The following RUNX2 variants were observed in gnomAD, a reference collection of about 807,000 sequenced individuals.
RUNX2 encodes runt-related transcription factor 2.
RUNX2 carries 10 observed loss-of-function variants against 51.7 expected under a neutral mutation model. The observed-to-expected ratio is 0.19, with a 90% confidence interval of 0.12 to 0.33. The LOEUF (loss-of-function observed/expected upper bound fraction) is 0.33, where lower values mean the gene tolerates loss of function less well. RUNX2 is among the 10% of genes least tolerant of loss of function. The pLI, the probability that RUNX2 is intolerant of heterozygous loss-of-function variation, is 1.00. For missense variants in RUNX2, 562 were observed against 691.3 expected (o/e 0.81, Z 2.10); for synonymous variants, 276 against 273.6 (o/e 1.01, Z -0.09).
At chr6:45,448,327 C>A (rs1311113534) in intron 5 of RUNX2, among the ~76,000 whole-genome samples, 1 of 152,190 alleles carries the variant, frequency 6.6e-6, no homozygotes, top group African/African-American at 2.4e-5. Flanking sequence ...CCCTGAGCAA[C>A]CGGAGCAGGA....
intron 1 of RUNX2, 21 bp from the exon 2 acceptor site, chr6:45,328,639 TG>T: frequency 6.2e-7 from 1 of 1,610,346 alleles, no homozygotes; most frequent in Non-Finnish European, 8.5e-7. Context: ...AAACAAGGTT[TG>T]GGTATGGTTT....
chr6:45,535,251 T>TAA (rs34539824), intron 7 of RUNX2, among the ~76,000 whole-genome samples: 2 of 150,600 alleles, frequency 1.3e-5, no homozygotes, highest in Non-Finnish European at 3.0e-5. Context: ...AAAGTTAAAT[T>TAA]AAAAAAAAAG....
At chr6:45,421,091 T>G (rs1409278571) in intron 2 of RUNX2, 1 of 152,208 alleles carries the variant, frequency 6.6e-6, no homozygotes, top group Non-Finnish European at 1.5e-5. Flanking sequence ...TTGAATTTTT[T>G]AGTTCGTATT....
intron 4 of RUNX2, among the ~76,000 whole-genome samples, chr6:45,436,791 A>G (rs2819854): frequency 0.49 from 74,550 of 152,038 alleles, 18,610 homozygotes; most frequent in South Asian, 0.62. Flanking sequence ...TTGCATTGGT[A>G]CATATTGTCA....
intron 5 of RUNX2, among the ~76,000 whole-genome samples, chr6:45,485,808 C>T (rs939072691): frequency 6.6e-6 from 1 of 150,698 alleles, no homozygotes; most frequent in African/African-American, 2.4e-5. Context: ...TTCTTCTCTG[C>T]TTATCAAAAT....
intron 2 of RUNX2, among the ~76,000 whole-genome samples, chr6:45,398,443 T>G (rs1273055302): frequency 1.3e-5 from 2 of 152,252 alleles, no homozygotes; most frequent in Non-Finnish European, 2.9e-5. Flanking sequence ...TATTTATATA[T>G]ATAGGCTTTC....
At chr6:45,525,014 G>A (rs752108905) in intron 7 of RUNX2, among the ~76,000 whole-genome samples, 2 of 152,186 alleles carry the variant, frequency 1.3e-5, no homozygotes, top group Admixed American at 6.5e-5. Context: ...GGGAGGCTGA[G>A]GCAGGAGAAT....
chr6:45,360,262 A>G (rs1347101351), intron 2 of RUNX2, among the ~76,000 whole-genome samples: 1 of 152,106 alleles, frequency 6.6e-6, no homozygotes, highest in East Asian at 1.9e-4. Context: ...AATAGCATCT[A>G]CCCTCACAGA....
chr6:45,523,451 A>G (rs981186050), intron 7 of RUNX2, among the ~76,000 whole-genome samples: 3 of 151,892 alleles, frequency 2.0e-5, no homozygotes, highest in African/African-American at 7.2e-5. Flanking sequence ...AAAAATTATT[A>G]GTAGAGACGG....
chr6:45,391,319 T>C (rs1797465085), intron 2 of RUNX2, among the ~76,000 whole-genome samples: 1 of 152,044 alleles, frequency 6.6e-6, no homozygotes, highest in Non-Finnish European at 1.5e-5. Context: ...TTTAAAAGAG[T>C]CTGAGACCTT....
At chr6:45,487,194 A>G (rs1800309167) in intron 5 of RUNX2, among the ~76,000 whole-genome samples, 1 of 152,190 alleles carries the variant, frequency 6.6e-6, no homozygotes, top group South Asian at 2.1e-4. Flanking sequence ...ATTTTTGATC[A>G]TGATTTCCCC....
intron 2 of RUNX2, among the ~76,000 whole-genome samples, chr6:45,397,016 G>C (rs546663433): frequency 1.3e-5 from 2 of 151,806 alleles, no homozygotes; most frequent in Non-Finnish European, 2.9e-5. Flanking sequence ...TATGTGTATA[G>C]TATATATATG....
intron 5 of RUNX2, among the ~76,000 whole-genome samples, chr6:45,481,517 A>G (rs1800113686): frequency 6.6e-6 from 1 of 152,220 alleles, no homozygotes; most frequent in Non-Finnish European, 1.5e-5. Flanking sequence ...TAAAGTGTAG[A>G]CATAGAGAAA....
chr6:45,523,791 G>A (rs2150432562), intron 7 of RUNX2, among the ~76,000 whole-genome samples: 1 of 151,884 alleles, frequency 6.6e-6, no homozygotes, highest in Non-Finnish European at 1.5e-5. Flanking sequence ...AATTAGCCAG[G>A]CGTGGTGGCA....
intron 2 of RUNX2, among the ~76,000 whole-genome samples, chr6:45,365,872 G>A (rs533173913): frequency 1.0e-3 from 127 of 126,744 alleles, no homozygotes; most frequent in Admixed American, 4.3e-3. Flanking sequence ...TCAATCGGTA[G>A]ATCAAAAGCA....
chr6:45,520,740 A>G (rs746351914), intron 7 of RUNX2, among the ~76,000 whole-genome samples: 1 of 151,070 alleles, frequency 6.6e-6, no homozygotes, highest in Non-Finnish European at 1.5e-5. Flanking sequence ...TTTTTTTTTG[A>G]GACAGAGTCT....
intron 5 of RUNX2, among the ~76,000 whole-genome samples, chr6:45,453,995 C>T (rs1241935002): frequency 6.6e-6 from 1 of 152,124 alleles, no homozygotes; most frequent in Non-Finnish European, 1.5e-5. Flanking sequence ...TTTGTGAGAC[C>T]TGGTGCAGCA....
chr6:45,542,323 A>AAT (rs1394814671), intron 7 of RUNX2, among the ~76,000 whole-genome samples: 1 of 152,174 alleles, frequency 6.6e-6, no homozygotes, highest in Non-Finnish European at 1.5e-5. Context: ...AAATGTTATT[A>AAT]ATATATTCTT....
Position 45,512,379 on chromosome 6 carries a change from C to T in RUNX2, c.993C>T (p.Ala331=). The T allele has an allele frequency of 1.9e-6, 3 of 1,614,098 alleles. No individual in the cohort carries two copies. Among genetic ancestry groups the T allele is most frequent in the Non-Finnish European group, 2.5e-6 (3 of 1,180,016 alleles). The part of the protein sequence containing the change: ...LSSTRGTGLP[A]ITDVPRRISD... ...CCACACGGGGCACTGGGCTTCCTGCCATCACCGATGTGCCTAGGCGCATTT... is the reference window on the plus strand; with the variant it reads ...CCACACGGGGCACTGGGCTTCCTGCTATCACCGATGTGCCTAGGCGCATTT... Residue 331 remains alanine, a synonymous_variant, in exon 7 of 9, where the codon GCC becomes GCT. Transcript: ENST00000647337.
Sources: allele counts gnomAD v4.1 joint callset (sites outside exome capture counted in the v4.1 genomes callset), GRCh38; gene constraint gnomAD v4.1.1; transcripts MANE v1.5; gene names NCBI Gene and HGNC (gene_info 2026-07-23, HGNC 2026-07-21).